ITFG1: variants seen among roughly 807,000 people sequenced by gnomAD.
ITFG1 encodes the protein integrin alpha FG-GAP repeat containing 1.
In ITFG1, 34 loss-of-function variants were observed where a neutral mutation model predicts 81.8. That is an observed-to-expected ratio of 0.42 (90% CI 0.32 to 0.55). ITFG1 has a LOEUF of 0.55. ITFG1 is among the 20% of genes least tolerant of loss of function. The pLI, the probability that ITFG1 is intolerant of heterozygous loss-of-function variation, is 0.17. For missense variants in ITFG1, 672 were observed against 755.4 expected, an observed-to-expected ratio of 0.89 and a Z score of 1.29; for synonymous variants, 285 against 270.6, an observed-to-expected ratio of 1.05 and a Z score of -0.52.
At chr16:47,341,400 GAAAAAAAAAAAA>G (rs545419792) in intron 8 of ITFG1, among the ~76,000 whole-genome samples, 8 of 64,356 alleles carry the variant, frequency 1.2e-4, no homozygotes, top group Non-Finnish European at 2.1e-4. Flanking sequence ...CTGCGCCACT[GAAAAAAAAAAAA>G]AAAAGAAAAA....
chr16:47,280,254 T>C (rs1966437847), intron 10 of ITFG1, among the ~76,000 whole-genome samples: 1 of 152,170 alleles, frequency 6.6e-6, no homozygotes, highest in Admixed American at 6.5e-5. Flanking sequence ...CTGTAGATTT[T>C]TTTATAATTC....
intron 8 of ITFG1, among the ~76,000 whole-genome samples, chr16:47,340,161 G>C (rs1433572486): frequency 1.3e-5 from 2 of 152,008 alleles, no homozygotes; most frequent in African/African-American, 4.8e-5. Flanking sequence ...TAAAGGCGGA[G>C]GGAATTTTTT....
At chr16:47,272,918 T>C (rs1399904088) in intron 10 of ITFG1, among the ~76,000 whole-genome samples, 1 of 148,156 alleles carries the variant, frequency 6.7e-6, no homozygotes, top group East Asian at 2.0e-4. Flanking sequence ...TAGTATGCAA[T>C]TTTTTTGAGG....
At chr16:47,224,335 A>G (rs996619788) in intron 13 of ITFG1, among the ~76,000 whole-genome samples, 1 of 152,216 alleles carries the variant, frequency 6.6e-6, no homozygotes, top group Non-Finnish European at 1.5e-5. Context: ...GAAAAATGGA[A>G]ATGAGATATT....
intron 10 of ITFG1, among the ~76,000 whole-genome samples, chr16:47,308,063 T>C (rs555015052): frequency 6.6e-6 from 1 of 152,356 alleles, no homozygotes; most frequent in Admixed American, 6.5e-5. Context: ...GGCACCTACA[T>C]TGATTCCATA....
chr16:47,308,029 A>T (rs998663630), intron 10 of ITFG1, among the ~76,000 whole-genome samples: 2 of 152,186 alleles, frequency 1.3e-5, no homozygotes, highest in South Asian at 2.1e-4. Flanking sequence ...ACCATATTTT[A>T]AAAAATCCAA....
intron 7 of ITFG1, among the ~76,000 whole-genome samples, chr16:47,369,563 A>G (rs1258214812): frequency 6.6e-6 from 1 of 152,150 alleles, no homozygotes; most frequent in African/African-American, 2.4e-5. Context: ...CATTTACTCC[A>G]TGGTCTGACT....
At chr16:47,182,371 T>C (rs1965137470) in intron 14 of ITFG1, among the ~76,000 whole-genome samples, 1 of 149,682 alleles carries the variant, frequency 6.7e-6, no homozygotes, top group Non-Finnish European at 1.5e-5. Flanking sequence ...CAACTGTTAT[T>C]ACTTAGGTGG....
intron 10 of ITFG1, among the ~76,000 whole-genome samples, chr16:47,271,989 T>C (rs968927832): frequency 5.9e-5 from 9 of 152,214 alleles, no homozygotes; most frequent in African/African-American, 1.9e-4. Flanking sequence ...GTATTCATAA[T>C]AGCCAAAAAG....
intron 10 of ITFG1, among the ~76,000 whole-genome samples, chr16:47,293,592 C>T (rs1295956968): frequency 6.6e-6 from 1 of 151,984 alleles, no homozygotes; most frequent in East Asian, 1.9e-4. Context: ...ATTTGCGTAT[C>T]TCTGAGGGTT....
intron 8 of ITFG1, among the ~76,000 whole-genome samples, chr16:47,334,894 G>A (rs894106300): frequency 6.6e-6 from 1 of 152,076 alleles, no homozygotes; most frequent in African/African-American, 2.4e-5. Flanking sequence ...ATGACTCACA[G>A]ACTTACAGAG....
chr16:47,414,436 G>T (rs538003683), intron 6 of ITFG1, among the ~76,000 whole-genome samples: 8 of 152,104 alleles, frequency 5.3e-5, no homozygotes, highest in South Asian at 2.1e-4. Flanking sequence ...TGAGGCAAGA[G>T]AATTGCCTGA....
At chr16:47,338,767 G>C (rs1218703500) in intron 8 of ITFG1, among the ~76,000 whole-genome samples, 1 of 151,284 alleles carries the variant, frequency 6.6e-6, no homozygotes, top group Non-Finnish European at 1.5e-5. Flanking sequence ...ATCACATCAG[G>C]GTAAATGGGG....
In ITFG1 at chr16:47,311,302, A is replaced by C. The variant is rs142063352; in HGVS notation, c.1008T>G (p.Ile336Met). Residue 336 changes from isoleucine (I) to methionine (M), a missense_variant, in exon 10 of 18, where the codon ATT becomes ATG. Around this residue, in one of 3 missense-constraint regions of ITFG1, gnomAD observed 560 missense variants for 625.7 expected, o/e 0.90. Coordinates refer to ENST00000320640, the MANE Select transcript of ITFG1 (RefSeq NM_030790.5). ...TEIPIPITLH[I>M]GDYNMDGYPD... Reference sequence around the variant, plus strand: ...GATAGCCATCCATATTGTAGTCTCCAATATGAAGGGTAATTGGAATTGGTA... The same window carrying C: ...GATAGCCATCCATATTGTAGTCTCCCATATGAAGGGTAATTGGAATTGGTA... 4 of 1,613,574 alleles carry C rather than the reference A, an allele frequency of 2.5e-6. No homozygotes were observed. The highest frequency in any genetic ancestry group is 3.4e-6 in the Non-Finnish European group (4 of 1,179,532).
At chr16:47,260,819 T>C (rs1458304770) in intron 10 of ITFG1, 124 bp from the exon 11 acceptor site, 2 of 1,063,214 alleles carry the variant, frequency 1.9e-6, no homozygotes, top group African/African-American at 3.2e-5. Flanking sequence ...CGAAAAAATC[T>C]CCACATTTTT....
intron 14 of ITFG1, among the ~76,000 whole-genome samples, chr16:47,166,395 T>G (rs1379702670): frequency 6.6e-6 from 1 of 152,206 alleles, no homozygotes; most frequent in Non-Finnish European, 1.5e-5. Context: ...TTAGCATACT[T>G]TTAGTCACAT....
chr16:47,210,881 C>T lies in ITFG1; in HGVS notation c.1453+7987G>A, dbSNP rs115360597. 8.1e-3 allele frequency among the ~76,000 whole-genome samples: 1,229 copies of T among 152,194 alleles called. 17 individuals are homozygous for T. The highest frequency in any genetic ancestry group is 0.029 in the African/African-American group (1,184 of 41,534). ...AAAATAAGTCTTGAAATTACATAGA[C>T]GAATTCCACCTATTTTATTCTTCTT... is the stretch of plus-strand genomic sequence containing the variant. On this transcript the variant is annotated intron_variant, in intron 14 of 17. Transcript: ENST00000320640.
chr16:47,360,246 C>T (rs1362119371), intron 8 of ITFG1, among the ~76,000 whole-genome samples: 1 of 152,074 alleles, frequency 6.6e-6, no homozygotes, highest in East Asian at 1.9e-4. Context: ...ATCTAATTTG[C>T]CCATATTATA....
chr16:47,410,749 T>C lies in ITFG1; in HGVS notation c.655+18055A>G, dbSNP rs182324674. Among the ~76,000 whole-genome samples, 131 of 152,180 alleles carry C rather than the reference T, an allele frequency of 8.6e-4. 2 individuals carry two copies. The East Asian group carries it at 0.021, about 24-fold the overall frequency. ...GCTACAAGACACCCCACAACCCCCA[T>C]AGACGTTGGAATTGGCAGGCAATCT... On this transcript the variant is annotated intron_variant, in intron 6 of 17. Transcript: ENST00000320640.
Sources: gnomAD v4.1 joint callset for allele counts (sites outside exome capture counted in the v4.1 genomes callset) on GRCh38, gnomAD v4.1.1 for gene constraint, gnomAD v4.1.1 regional missense constraint, MANE v1.5 for transcripts, NCBI Gene and HGNC (gene_info 2026-07-23, HGNC 2026-07-21) for gene names.